KIAA1328: variants seen among roughly 807,000 people sequenced by gnomAD.
KIAA1328 encodes protein hinderin.
A neutral mutation model predicts 68.1 loss-of-function variants in KIAA1328; 52 were observed. That is an observed-to-expected ratio of 0.76 (90% confidence interval 0.61 to 0.96). The LOEUF is 0.96. KIAA1328 is among the 40% of genes least tolerant of loss of function. The pLI, the probability that KIAA1328 is intolerant of heterozygous loss-of-function variation, is 0.00. For missense variants in KIAA1328, 641 were observed against 677.6 expected, an observed-to-expected ratio of 0.95 and a Z score of 0.60; for synonymous variants, 232 against 239.4, an observed-to-expected ratio of 0.97 and a Z score of 0.28.
intron 9 of KIAA1328, 90 bp downstream of exon 9, chr18:37,173,171 C>A: frequency 2.1e-6 from 2 of 937,882 alleles, no homozygotes; most frequent in South Asian, 1.7e-5. Context: ...AAAATCTTGA[C>A]AACTCTTAGT....
intron 5 of KIAA1328, among the ~76,000 whole-genome samples, chr18:36,909,569 A>G (rs758723393): frequency 1.1e-4 from 17 of 152,072 alleles, no homozygotes; most frequent in Non-Finnish European, 1.8e-4. Context: ...AGTCTTTGCT[A>G]TTGTGAATAG....
chr18:36,956,381 T>C (rs1408245473), intron 5 of KIAA1328, among the ~76,000 whole-genome samples: 3 of 152,218 alleles, frequency 2.0e-5, no homozygotes, highest in Non-Finnish European at 4.4e-5. Context: ...CAACATCTAT[T>C]TCATTCTTTT....
At chr18:36,954,754 T>C (rs572341888) in intron 5 of KIAA1328, among the ~76,000 whole-genome samples, 12 of 151,130 alleles carry the variant, frequency 7.9e-5, no homozygotes, top group Admixed American at 2.6e-4. Flanking sequence ...GAGTGCAGTG[T>C]TGCGATCTCA....
chr18:37,126,469 T>C (rs1396938712), intron 7 of KIAA1328, among the ~76,000 whole-genome samples: 2 of 151,994 alleles, frequency 1.3e-5, no homozygotes, highest in Non-Finnish European at 2.9e-5. Context: ...TAAAAAACCT[T>C]CCCCCAAAGA....
intron 6 of KIAA1328, among the ~76,000 whole-genome samples, chr18:37,051,109 T>C (rs2055674573): frequency 6.6e-6 from 1 of 152,184 alleles, no homozygotes; most frequent in Non-Finnish European, 1.5e-5. Context: ...AATTGTTCCA[T>C]GATGTCTCGT....
At position 37,223,936 on chromosome 18, in the gene KIAA1328, T is replaced by C. The variant is rs2060606228; in HGVS notation, c.*1709T>C. The stretch of plus-strand genomic sequence containing the variant: ...TAGTTATAATCATTCCCTTAAAAAG[T>C]TGGAAAATCATTACAGATTAAAATT... On this transcript the variant is annotated 3_prime_UTR_variant, in exon 10 of 10. Transcript: ENST00000280020. 6 of 984,804 alleles carry C rather than the reference T, an allele frequency of 6.1e-6. No individual in the cohort carries two copies. The South Asian group carries it at 2.4e-4, about 39-fold the overall frequency. The allele number at this position is 984,804 out of a possible 1,614,324, so 61.0% of individuals were successfully genotyped here. A position where few individuals can be genotyped will look rare whatever the true frequency, so the allele number is the denominator to read the frequency against.
At chr18:37,001,830 G>A (rs1411658547) in intron 6 of KIAA1328, among the ~76,000 whole-genome samples, 6 of 152,002 alleles carry the variant, frequency 3.9e-5, no homozygotes, top group Non-Finnish European at 7.4e-5. Flanking sequence ...AGCTTTCATC[G>A]AACCAGGTTA....
chr18:36,873,035 T>C (rs1224642606), intron 4 of KIAA1328, among the ~76,000 whole-genome samples: 3 of 152,216 alleles, frequency 2.0e-5, no homozygotes, highest in Non-Finnish European at 2.9e-5. Flanking sequence ...CTTTTATCTC[T>C]AGAGCATGTT....
At chr18:37,024,730 GTATTCCATGGTGTA>G (rs1192312053) in intron 6 of KIAA1328, among the ~76,000 whole-genome samples, 3 of 152,214 alleles carry the variant, frequency 2.0e-5, no homozygotes, top group Admixed American at 2.0e-4. Context: ...TTGCTGCATA[GTATTCCATGGTGTA>G]TATGTGCCAT....
At chr18:36,885,436 A>G in intron 4 of KIAA1328, 121 bp from the exon 5 acceptor site, 1 of 539,316 alleles carries the variant, frequency 1.9e-6, no homozygotes, top group South Asian at 3.5e-5. Context: ...AAAACAGAAC[A>G]GAGTGTTCCT....
At chr18:36,868,727 C>T (rs997179028) in intron 4 of KIAA1328, among the ~76,000 whole-genome samples, 1 of 152,140 alleles carries the variant, frequency 6.6e-6, no homozygotes, top group African/African-American at 2.4e-5. Context: ...CCCATACTGT[C>T]AAGTATTGCA....
chr18:36,937,878 T>G (rs573073530), intron 5 of KIAA1328, among the ~76,000 whole-genome samples: 66 of 152,334 alleles, frequency 4.3e-4, no homozygotes, highest in African/African-American at 1.5e-3. Context: ...TTTCCATTCT[T>G]GGCTTATTTC....
At chr18:37,065,488 A>G (rs1368443609) in intron 6 of KIAA1328, among the ~76,000 whole-genome samples, 1 of 152,216 alleles carries the variant, frequency 6.6e-6, no homozygotes, top group Non-Finnish European at 1.5e-5. Context: ...CAAAAGAAAT[A>G]ACAGCTGCTA....
chr18:37,116,882 T>C (rs1166191645), intron 7 of KIAA1328, among the ~76,000 whole-genome samples: 1 of 152,202 alleles, frequency 6.6e-6, no homozygotes, highest in Admixed American at 6.5e-5. Flanking sequence ...AAAGAAGACA[T>C]TTATGCAGCC....
At chr18:37,135,931 T>G (rs1031038039) in intron 7 of KIAA1328, among the ~76,000 whole-genome samples, 2 of 152,196 alleles carry the variant, frequency 1.3e-5, no homozygotes, top group African/African-American at 4.8e-5. Context: ...ATTACTCATT[T>G]TTGTTGATTT....
At chr18:36,949,609 A>AC (rs372205900) in intron 5 of KIAA1328, among the ~76,000 whole-genome samples, 10 of 23,074 alleles carry the variant, frequency 4.3e-4, no homozygotes, top group Admixed American at 2.4e-3. Flanking sequence ...CCCCCCCCCC[A>AC]CCCCCCGATC....
intron 5 of KIAA1328, among the ~76,000 whole-genome samples, chr18:36,910,906 C>G (rs537262615): frequency 6.6e-6 from 1 of 152,006 alleles, no homozygotes; most frequent in Non-Finnish European, 1.5e-5. Context: ...GAAATATACT[C>G]AGGAAAAGAA....
chr18:36,948,840 C>T (rs1462903661), intron 5 of KIAA1328, among the ~76,000 whole-genome samples: 3 of 152,280 alleles, frequency 2.0e-5, no homozygotes, highest in Non-Finnish European at 4.4e-5. Context: ...TAAGCCACTG[C>T]GACATGACTT....
At chr18:37,129,160 T>C (rs1462276491) in intron 7 of KIAA1328, among the ~76,000 whole-genome samples, 2 of 152,190 alleles carry the variant, frequency 1.3e-5, no homozygotes, top group African/African-American at 4.8e-5. Context: ...TGATTTATTA[T>C]ACCATACCTC....
Sources: gnomAD v4.1 joint callset for allele counts (sites outside exome capture counted in the v4.1 genomes callset) on GRCh38, gnomAD v4.1.1 for gene constraint, MANE v1.5 for transcripts, NCBI Gene and HGNC (gene_info 2026-07-23, HGNC 2026-07-21) for gene names.